CNOT10: variants seen among roughly 807,000 people sequenced by gnomAD.
CNOT10 encodes CCR4-NOT transcription complex subunit 10.
In CNOT10, 30 loss-of-function variants were observed where a neutral mutation model predicts 94.6. The observed-to-expected ratio is 0.32, with a 90% CI of 0.24 to 0.43. The LOEUF (loss-of-function observed/expected upper bound fraction) is 0.43, where lower values mean the gene tolerates loss of function less well. CNOT10 is among the 20% of genes least tolerant of loss of function. CNOT10 has a pLI of 1.00. For missense variants in CNOT10, 759 were observed against 877.2 expected (o/e 0.87, Z 1.70); for synonymous variants, 289 against 301.6 (o/e 0.96, Z 0.43).
chr3:32,687,439 G>GTTTTTTTTTTTGTTTT lies in CNOT10; in HGVS notation c.22+1968_22+1969insGTTTTTTTTTTTTTTT, dbSNP rs1553626981. 4.9e-3 allele frequency among the ~76,000 whole-genome samples: 249 copies of GTTTTTTTTTTTGTTTT among 51,310 alleles called. 68 individuals carry two copies. The highest frequency in any genetic ancestry group is 6.8e-3 in the East Asian group (9 of 1,332). The allele number at this position is 51,310 out of a possible 152,430, so 33.7% of individuals were successfully genotyped here. ...TTCTTTCTCCTTTTAAGTCCTCACG[G>GTTTTTTTTTTTGTTTT]TTTTTTTTTTTTGTTTTTTTTTTTT... On this transcript the variant is annotated intron_variant, in intron 1 of 18. Coordinates refer to ENST00000328834, the MANE Select transcript of CNOT10 (RefSeq NM_015442.3).
chr3:32,697,911 AAAAG>A (rs1697155362), intron 1 of CNOT10, among the ~76,000 whole-genome samples: 1 of 152,224 alleles, frequency 6.6e-6, no homozygotes, highest in East Asian at 1.9e-4. Flanking sequence ...CTTTAATAAT[AAAAG>A]AAACATGAAA....
intron 14 of CNOT10, among the ~76,000 whole-genome samples, chr3:32,761,340 C>T (rs1700432094): frequency 6.6e-6 from 1 of 152,130 alleles, no homozygotes; most frequent in Non-Finnish European, 1.5e-5. Flanking sequence ...TTGGGAATTG[C>T]AGCTGATGCT....
At chr3:32,692,719 C>T (rs1209042567) in intron 1 of CNOT10, among the ~76,000 whole-genome samples, 2 of 152,104 alleles carry the variant, frequency 1.3e-5, no homozygotes, top group Non-Finnish European at 2.9e-5. Flanking sequence ...ATTGTAGTTT[C>T]TACCTTTGTT....
intron 2 of CNOT10, among the ~76,000 whole-genome samples, chr3:32,704,296 T>A (rs1257165407): frequency 6.6e-6 from 1 of 152,134 alleles, no homozygotes; most frequent in East Asian, 1.9e-4. Context: ...TTTCTGAAAA[T>A]ATCAGATTCA....
chr3:32,735,226 A>G (rs1192381150), intron 12 of CNOT10, among the ~76,000 whole-genome samples: 1 of 152,174 alleles, frequency 6.6e-6, no homozygotes, highest in African/African-American at 2.4e-5. Flanking sequence ...GCAGTGGCTC[A>G]TGCCTGCCTG....
At chr3:32,744,200 G>A (rs1163476303) in intron 13 of CNOT10, among the ~76,000 whole-genome samples, 1 of 152,280 alleles carries the variant, frequency 6.6e-6, no homozygotes, top group East Asian at 1.9e-4. Context: ...AGGAGCCTGA[G>A]CACTGTGTTT....
intron 14 of CNOT10, 85 bp downstream of exon 14, chr3:32,759,656 C>T: frequency 2.2e-6 from 2 of 892,186 alleles, no homozygotes; most frequent in South Asian, 1.4e-5. Flanking sequence ...CTTCTTTTGA[C>T]TCCTCCAGTG....
intron 1 of CNOT10, among the ~76,000 whole-genome samples, chr3:32,690,650 C>A (rs1306542692): frequency 6.6e-6 from 1 of 151,686 alleles, no homozygotes; most frequent in Admixed American, 6.6e-5. Flanking sequence ...GGGTTCACAC[C>A]ATTCTCCTGC....
chr3:32,744,523 C>T (rs1327134518), intron 13 of CNOT10, among the ~76,000 whole-genome samples: 2 of 151,854 alleles, frequency 1.3e-5, no homozygotes, highest in Non-Finnish European at 2.9e-5. Flanking sequence ...ACCAATTTAC[C>T]AAGTATATTT....
At chr3:32,731,072 A>G (rs1042097072) in intron 10 of CNOT10, 1 of 152,246 alleles carries the variant, frequency 6.6e-6, no homozygotes, top group Non-Finnish European at 1.5e-5. Flanking sequence ...AGAAGAGAAT[A>G]TGGATGAATC....
intron 13 of CNOT10, among the ~76,000 whole-genome samples, chr3:32,742,067 T>A (rs1431597756): frequency 1.3e-5 from 2 of 151,456 alleles, no homozygotes; most frequent in Non-Finnish European, 2.9e-5. Flanking sequence ...GCAGTTCTCC[T>A]GCCTCAGCCT....
intron 13 of CNOT10, among the ~76,000 whole-genome samples, chr3:32,739,955 G>A (rs1234182721): frequency 6.6e-6 from 1 of 152,110 alleles, no homozygotes; most frequent in African/African-American, 2.4e-5. Flanking sequence ...AATTATCTGG[G>A]CGTGATGTTG....
intron 13 of CNOT10, among the ~76,000 whole-genome samples, chr3:32,746,500 G>A (rs1699705961): frequency 6.6e-6 from 1 of 152,012 alleles, no homozygotes. Flanking sequence ...ATTCTCATAC[G>A]GAGCACACAA....
At chr3:32,752,213 C>T (rs1478577547) in intron 13 of CNOT10, among the ~76,000 whole-genome samples, 2 of 151,802 alleles carry the variant, frequency 1.3e-5, no homozygotes, top group Non-Finnish European at 2.9e-5. Flanking sequence ...CTTTTGAACC[C>T]AGGAGGCAGA....
intron 1 of CNOT10, among the ~76,000 whole-genome samples, chr3:32,688,307 C>T (rs992051347): frequency 3.3e-5 from 5 of 152,082 alleles, no homozygotes; most frequent in Non-Finnish European, 5.9e-5. Context: ...GTGATAGATA[C>T]TCTGAAGAAG....
intron 1 of CNOT10, among the ~76,000 whole-genome samples, chr3:32,697,255 C>T (rs111649077): frequency 6.6e-6 from 1 of 152,030 alleles, no homozygotes; most frequent in African/African-American, 2.4e-5. Context: ...CAGCCTGATA[C>T]TTCCATTTTC....
rs1325333951 is a variant in CNOT10 at position 32,692,889 on chromosome 3, G to GA, written c.22+7413dup. On this transcript the variant is annotated intron_variant, in intron 1 of 18. Transcript: ENST00000328834. ...GAGAGCCTGTCTCTACGAAAAGATT[G>GA]AAAAAACTTAGTTGGTGTGCTGCTG... Among the ~76,000 whole-genome samples the GA allele has an allele frequency of 4.6e-5, 7 of 152,090 alleles. No individual in the cohort carries two copies. The East Asian group carries it at 9.7e-4, about 21-fold the overall frequency.
In CNOT10 at chr3:32,762,934, T is replaced by C. The variant is rs1430203518; in HGVS notation, c.1840+71T>C. On this transcript the variant is annotated intron_variant, in intron 15 of 18. Coordinates refer to ENST00000328834, the MANE Select transcript of CNOT10 (RefSeq NM_015442.3). ...CCCTCCTGTCATAATTCAGGATGTG[T>C]GGAAATTTAGGCATGGTGGTAATGA... 2.1e-5 allele frequency: 30 copies of C among 1,430,282 alleles called. No homozygotes were observed. The Admixed American group carries it at 3.8e-4, about 18-fold the overall frequency. The allele number at this position is 1,430,282 out of a possible 1,614,324, so 88.6% of individuals were successfully genotyped here.
chr3:32,695,734 A>G (rs1221025486), intron 1 of CNOT10: 1 of 1,536,064 alleles, frequency 6.5e-7, no homozygotes. Flanking sequence ...AGTCAAGCTT[A>G]TGGGTGAACG....
Sources: gnomAD v4.1 joint callset for allele counts (sites outside exome capture counted in the v4.1 genomes callset) on GRCh38, gnomAD v4.1.1 for gene constraint, MANE v1.5 for transcripts, NCBI Gene and HGNC (gene_info 2026-07-23, HGNC 2026-07-21) for gene names.